Variants in UNC45B observed in about 807,000 individuals in gnomAD.
The protein encoded by UNC45B is unc-45 myosin chaperone B.
A neutral mutation model predicts 98.7 loss-of-function variants in UNC45B; 78 were observed. That is an observed-to-expected ratio of 0.79 (90% CI 0.66 to 0.95). UNC45B has a LOEUF of 0.95. Ranked by LOEUF, UNC45B falls within the 40% of genes least tolerant of loss-of-function variation. UNC45B has a pLI of 0.00. For synonymous variants in UNC45B, 462 were observed against 480.4 expected, an observed-to-expected ratio of 0.96 and a Z score of 0.50; for missense variants, 1,225 against 1,184.9, an observed-to-expected ratio of 1.03 and a Z score of -0.50.
Position 35,168,099 on chromosome 17 carries a change from A to G in UNC45B, c.1190A>G (p.Asn397Ser). Residue 397 changes from asparagine to serine, a missense_variant, in exon 10 of 20, where the codon AAT becomes AGT. Coordinates refer to ENST00000394570, the MANE Select transcript of UNC45B (RefSeq NM_001267052.2). ...CCCCAGGACATGGACAAGAACTTGAATGCCATCCAGACAGTGTCAGGGATC... is the reference window on the plus strand; with the variant it reads ...CCCCAGGACATGGACAAGAACTTGAGTGCCATCCAGACAGTGTCAGGGATC... Reference protein sequence around the residue: ...FDPQDMDKNLNAIQTVSGILQ... With the variant: ...FDPQDMDKNLSAIQTVSGILQ... The G allele has an allele frequency of 1.3e-6, 2 of 1,564,274 alleles. No individual in the cohort carries two copies. Among genetic ancestry groups the G allele is most frequent in the South Asian group, 1.2e-5 (1 of 83,700 alleles).
intron 1 of UNC45B, 34 bp from the exon 2 acceptor site, chr17:35,148,230 G>T: frequency 1.2e-6 from 2 of 1,612,412 alleles, no homozygotes; most frequent in Non-Finnish European, 1.7e-6. Flanking sequence ...TGCAGTGAGG[G>T]GCTGACCAGA....
intron 9 of UNC45B, among the ~76,000 whole-genome samples, chr17:35,166,590 G>C (rs574213740): frequency 6.6e-6 from 1 of 152,300 alleles, no homozygotes; most frequent in Non-Finnish European, 1.5e-5. Context: ...AGCAAGAGTG[G>C]AATACATCCC....
Position 35,183,453 on chromosome 17 carries a change from G to T in UNC45B, c.2400G>T (p.Gly800=), listed in dbSNP as rs746990830. 2 of 1,597,560 alleles carry T rather than the reference G, an allele frequency of 1.3e-6. No homozygotes were observed. The highest frequency in any genetic ancestry group is 2.3e-5 in the East Asian group (1 of 44,110). Residue 800 remains glycine, a synonymous_variant, in exon 19 of 20, where the codon GGG becomes GGT. Transcript: ENST00000394570. ...KEVQERFLAD[G]NDRLKLVVLL... is the part of the protein sequence containing the mutation. ...TACAGGAAAGGTTCTTGGCTGACGG[G>T]AATGACCGGCTGAAGCTGGTGGTGC...
chr17:35,183,504 G>T lies in UNC45B; in HGVS notation c.2451G>T (p.Lys817Asn), dbSNP rs2092286039. The T allele has an allele frequency of 3.7e-6, 6 of 1,606,118 alleles. No homozygotes were observed. In the East Asian group the frequency reaches 1.4e-4, roughly 36 times the overall value. ...TGCTCTGCGGGGAGGATGATGATAAGGTGCAGAATGCGGCTGCAGGGGCTC... is the reference window on the plus strand; with the variant it reads ...TGCTCTGCGGGGAGGATGATGATAATGTGCAGAATGCGGCTGCAGGGGCTC... ...VVLLCGEDDD[K>N]VQNAAAGALA... Residue 817 changes from lysine (K) to asparagine (N), a missense_variant, in exon 19 of 20, where the codon AAG becomes AAT. Lys to Asn is a moderately conservative substitution (Grantham distance 94). Coordinates refer to ENST00000394570, the MANE Select transcript of UNC45B (RefSeq NM_001267052.2).
chr17:35,148,927 T>G, intron 2 of UNC45B, 46 bp from the exon 3 acceptor site: 1 of 1,611,634 alleles, frequency 6.2e-7, no homozygotes, highest in Non-Finnish European at 8.5e-7. Context: ...CATCTCTGCA[T>G]TGGGCCCACA....
At chr17:35,177,873 CTTTT>C (rs1019444761) in intron 17 of UNC45B, among the ~76,000 whole-genome samples, 4 of 145,198 alleles carry the variant, frequency 2.8e-5, no homozygotes, top group African/African-American at 1.0e-4. Context: ...TCTTTTCTTT[CTTTT>C]CTTTTCTTTT....
intron 15 of UNC45B, among the ~76,000 whole-genome samples, chr17:35,176,387 G>A (rs1197254157): frequency 6.6e-6 from 1 of 152,064 alleles, no homozygotes; most frequent in Non-Finnish European, 1.5e-5. Context: ...TGTAAAATAG[G>A]GGGAAAATCA....
At position 35,177,375 on chromosome 17, in the gene UNC45B, A is replaced by T. The variant is rs557494394; in HGVS notation, c.2140-120A>T. On this transcript the variant is annotated intron_variant, in intron 16 of 19. Transcript: ENST00000394570. Reference sequence around the variant, plus strand: ...CCTGCCTGTCAGGATCATTGTGAGGATGAAATCAGACAATGTATGAGAAAG... The same window carrying T: ...CCTGCCTGTCAGGATCATTGTGAGGTTGAAATCAGACAATGTATGAGAAAG... 2.8e-5 allele frequency: 21 copies of T among 749,010 alleles called. No individual in the cohort carries two copies. In the African/African-American group the frequency reaches 3.7e-4, roughly 13 times the overall value. 46.4% of individuals were successfully genotyped at this position (749,010 alleles called of 1,614,324 possible).
rs201858991 is a variant in UNC45B at position 35,180,595 on chromosome 17, C to T, written c.2292C>T (p.Ile764=). The change falls in exon 18 of 20, where the codon ATC becomes ATT. Residue 764 remains isoleucine, a synonymous_variant. Transcript: ENST00000394570. ...KIFKERALPD[I]ENYMFENHDQ... ...TTAAGGAGAGGGCCTTGCCAGACAT[C>T]GAGAACTACATGTTTGAGAATCATG... The T allele has an allele frequency of 8.1e-6, 13 of 1,613,990 alleles. No individual in the cohort carries two copies. The highest frequency in any genetic ancestry group is 2.2e-5 in the East Asian group (1 of 44,842).
At chr17:35,184,743 CA>C (rs1425729050) in intron 19 of UNC45B, among the ~76,000 whole-genome samples, 1 of 152,198 alleles carries the variant, frequency 6.6e-6, no homozygotes, top group African/African-American at 2.4e-5. Context: ...TCAGGATTGC[CA>C]ACCCACTCCT....
intron 5 of UNC45B, among the ~76,000 whole-genome samples, chr17:35,153,726 G>T (rs62062414): frequency 2.0e-5 from 3 of 147,972 alleles, no homozygotes; most frequent in African/African-American, 7.5e-5. Context: ...TTTTTTTTTG[G>T]AAAAGTACAA....
chr17:35,183,629 A>G, intron 19 of UNC45B, 47 bp downstream of exon 19: 1 of 1,451,206 alleles, frequency 6.9e-7, no homozygotes, highest in Non-Finnish European at 9.1e-7. Flanking sequence ...GCTCCAGGGA[A>G]TCTCCCCACC....
At chr17:35,184,436 C>G (rs1191689774) in intron 19 of UNC45B, among the ~76,000 whole-genome samples, 1 of 152,184 alleles carries the variant, frequency 6.6e-6, no homozygotes, top group Non-Finnish European at 1.5e-5. Flanking sequence ...GGGAGGCTAA[C>G]AGCTTGGAGA....
intron 19 of UNC45B, 86 bp downstream of exon 19, chr17:35,183,668 GAGGCCAACTCCTAA>G (rs927145068): frequency 2.2e-6 from 3 of 1,338,884 alleles, no homozygotes; most frequent in Non-Finnish European, 2.9e-6. Flanking sequence ...ATCCTCTGGG[GAGGCCAACTCCTAA>G]AGAAACCCCT....
intron 14 of UNC45B, among the ~76,000 whole-genome samples, chr17:35,174,914 A>G (rs1382738710): frequency 6.7e-6 from 1 of 149,712 alleles, no homozygotes; most frequent in African/African-American, 2.5e-5. Flanking sequence ...AGGGAAAAGA[A>G]GAAGGGAGGA....
chr17:35,159,368 T>A lies in UNC45B; in HGVS notation c.809-7T>A. Reference sequence around the variant, plus strand: ...CTCTCTACTTACCCCGTCCTCTTTTTCTTCAGACACCAAGAAGGACCTGAA... The same window carrying A: ...CTCTCTACTTACCCCGTCCTCTTTTACTTCAGACACCAAGAAGGACCTGAA... On this transcript the variant is annotated splice_polypyrimidine_tract_variant and splice_region_variant and intron_variant, in intron 7 of 19. Transcript: ENST00000394570. 1 of 1,609,408 alleles carries A rather than the reference T, an allele frequency of 6.2e-7. No individual in the cohort carries two copies. The highest frequency in any genetic ancestry group is 8.5e-7 in the Non-Finnish European group (1 of 1,176,792).
Position 35,174,354 on chromosome 17 carries a change from A to G in UNC45B, c.1943A>G (p.Lys648Arg). ...ADSAILTDQT[K>R]ELLARVFLAL... ...AGTGCCATCCTCACTGACCAGACCA[A>G]GGAGCTGCTGGCCAGGTGGGGCTGC... Residue 648 changes from lysine to arginine, a missense_variant, in exon 14 of 20, where the codon AAG becomes AGG. Coordinates refer to ENST00000394570, the MANE Select transcript of UNC45B (RefSeq NM_001267052.2). 1 of 1,614,158 alleles carries G rather than the reference A, an allele frequency of 6.2e-7. No individual in the cohort carries two copies.
chr17:35,168,937 C>A (rs1033311509), intron 10 of UNC45B, among the ~76,000 whole-genome samples: 3 of 152,246 alleles, frequency 2.0e-5, no homozygotes, highest in African/African-American at 7.2e-5. Flanking sequence ...GAACTCCTGA[C>A]CTCAGGTGAT....
Position 35,174,233 on chromosome 17 carries a change from TCTC to T in UNC45B, c.1831-5_1831-3del. On this transcript the variant is annotated splice_region_variant and splice_polypyrimidine_tract_variant and intron_variant, in intron 13 of 19. Coordinates refer to ENST00000394570, the MANE Select transcript of UNC45B (RefSeq NM_001267052.2). ...ACCCTCCCACATTGCCATCTTTTCA[TCTC>T]CTCAGGACAAGAAGGACTTTATAGA... 1 of 1,614,096 alleles carries T rather than the reference TCTC, an allele frequency of 6.2e-7. No homozygotes were observed. The highest frequency in any genetic ancestry group is 8.5e-7 in the Non-Finnish European group (1 of 1,179,982).
Sources: allele counts gnomAD v4.1 joint callset (sites outside exome capture counted in the v4.1 genomes callset), GRCh38; gene constraint gnomAD v4.1.1; transcripts MANE v1.5; gene names NCBI Gene and HGNC (gene_info 2026-07-23, HGNC 2026-07-21).